The following TECTB variants were observed in gnomAD, a reference collection of about 807,000 sequenced individuals.
The protein encoded by TECTB is beta-tectorin.
A neutral mutation model predicts 43.3 loss-of-function variants in TECTB; 45 were observed. The ratio of observed to expected loss-of-function variants is 1.04; its 90% CI spans 0.82 to 1.33. The LOEUF (loss-of-function observed/expected upper bound fraction) is 1.33, where lower values mean the gene tolerates loss of function less well. Among genes scored for constraint, TECTB ranks in the 40% most tolerant of loss-of-function variants. The probability of loss-of-function intolerance (pLI) is 0.00; values close to 1 mark genes in which losing one functional copy is unlikely to be tolerated. For synonymous variants in TECTB, 169 were observed against 156.7 expected, an observed-to-expected ratio of 1.08 and a Z score of -0.59; for missense variants, 399 against 404.7, an observed-to-expected ratio of 0.99 and a Z score of 0.12.
chr10:112,288,404 G>C (rs1411070576), intron 5 of TECTB, among the ~76,000 whole-genome samples: 1 of 152,012 alleles, frequency 6.6e-6, no homozygotes, highest in Non-Finnish European at 1.5e-5. Context: ...GGGCTGGACA[G>C]ACAGATAACG....
intron 5 of TECTB, among the ~76,000 whole-genome samples, chr10:112,290,974 G>A (rs1160738660): frequency 4.6e-5 from 7 of 152,130 alleles, no homozygotes; most frequent in Non-Finnish European, 7.4e-5. Flanking sequence ...GAGGGGTAAA[G>A]TCCACTTTAT....
At position 112,303,255 on chromosome 10, in the gene TECTB, G is replaced by A; in HGVS notation, c.941-8G>A. On this transcript the variant is annotated splice_region_variant and splice_polypyrimidine_tract_variant and intron_variant, in intron 10 of 10. Coordinates refer to ENST00000646139, the MANE Select transcript of TECTB (RefSeq NM_058222.3). ...TGAGTGCCATCTCCCTCCCCTTCTGGTCCACAGATGTTCTCCACCACCTCA... is the reference window on the plus strand; with the variant it reads ...TGAGTGCCATCTCCCTCCCCTTCTGATCCACAGATGTTCTCCACCACCTCA... 1 of 1,614,020 alleles carries A rather than the reference G, an allele frequency of 6.2e-7. No homozygotes were observed. Among genetic ancestry groups the A allele is most frequent in the Non-Finnish European group, 8.5e-7 (1 of 1,179,968 alleles).
intron 7 of TECTB, among the ~76,000 whole-genome samples, chr10:112,295,537 G>A (rs995923240): frequency 3.9e-5 from 6 of 152,194 alleles, no homozygotes; most frequent in East Asian, 1.9e-4. Context: ...CAGGCTGGCC[G>A]AGGCACACCT....
At chr10:112,284,820 T>C in intron 3 of TECTB, 95 bp downstream of exon 3, 1 of 1,159,210 alleles carries the variant, frequency 8.6e-7, no homozygotes, top group Admixed American at 3.5e-5. Context: ...GGATTCAGAA[T>C]TTACCCATTT....
chr10:112,296,033 A>C (rs1848544214), intron 7 of TECTB, among the ~76,000 whole-genome samples: 1 of 152,194 alleles, frequency 6.6e-6, no homozygotes, highest in African/African-American at 2.4e-5. Flanking sequence ...ACCCATTTCT[A>C]CATTCTTCCT....
At chr10:112,292,019 G>A (rs982755780) in intron 5 of TECTB, among the ~76,000 whole-genome samples, 3 of 151,614 alleles carry the variant, frequency 2.0e-5, no homozygotes, top group Admixed American at 6.6e-5. Context: ...ACCTGTAGTC[G>A]CAGCTACTCG....
chr10:112,284,934 T>C (rs892322832), intron 3 of TECTB, among the ~76,000 whole-genome samples: 1 of 152,238 alleles, frequency 6.6e-6, no homozygotes, highest in African/African-American at 2.4e-5. Context: ...TTGACTCTTA[T>C]CCTCCTAATT....
rs754693026 is a variant in TECTB, at chr10:112,299,670, C to T, written c.907+106C>T. ...ATTTTTACTGAATTGCCAAACCAGT[C>T]GTGCCTGTGGGCACAACCTTCACCT... On this transcript the variant is annotated intron_variant, in intron 9 of 10. Transcript: ENST00000646139. 12 of 1,278,324 alleles carry T rather than the reference C, an allele frequency of 9.4e-6. No individual in the cohort carries two copies. The African/African-American group carries it at 1.2e-4, about 12-fold the overall frequency. The allele number at this position is 1,278,324 out of a possible 1,614,324, so 79.2% of individuals were successfully genotyped here.
At chr10:112,297,851 C>T (rs757424052) in intron 7 of TECTB, among the ~76,000 whole-genome samples, 1 of 152,172 alleles carries the variant, frequency 6.6e-6, no homozygotes, top group Non-Finnish European at 1.5e-5. Flanking sequence ...CCCCTCCCAT[C>T]GTACCTTGTC....
chr10:112,299,734 A>G (rs1848581590), intron 9 of TECTB, 170 bp downstream of exon 9: 2 of 632,182 alleles, frequency 3.2e-6, no homozygotes, highest in African/African-American at 1.8e-5. Context: ...GGAACAGCTC[A>G]AGCCAAACGA....
intron 5 of TECTB, among the ~76,000 whole-genome samples, chr10:112,290,599 C>T (rs983809309): frequency 1.3e-5 from 2 of 152,158 alleles, no homozygotes; most frequent in Non-Finnish European, 2.9e-5. Context: ...GAGTTGGGAG[C>T]GATACCTCTG....
chr10:112,295,400 ATCAT>A (rs1848536987), intron 7 of TECTB, among the ~76,000 whole-genome samples: 1 of 152,220 alleles, frequency 6.6e-6, no homozygotes, highest in Admixed American at 6.5e-5. Flanking sequence ...CAGTATAATA[ATCAT>A]TATTTTATAG....
At chr10:112,302,722 C>A in intron 10 of TECTB, 1 of 184,802 alleles carries the variant, frequency 5.4e-6, no homozygotes, top group Non-Finnish European at 1.1e-5. Context: ...CTGCCGTGAA[C>A]AAGACAGACA....
At chr10:112,292,771 C>A (rs1848509837) in intron 5 of TECTB, among the ~76,000 whole-genome samples, 1 of 152,034 alleles carries the variant, frequency 6.6e-6, no homozygotes, top group South Asian at 2.1e-4. Flanking sequence ...TCAGCCCCCA[C>A]AACTTATCTA....
intron 8 of TECTB, 117 bp downstream of exon 8, chr10:112,298,348 T>C (rs1848567483): frequency 7.6e-7 from 1 of 1,307,376 alleles, no homozygotes; most frequent in Non-Finnish European, 1.1e-6. Flanking sequence ...TGAGGACATC[T>C]GGAGGAAATG....
chr10:112,300,210 GAC>G (rs1205241966), intron 9 of TECTB, among the ~76,000 whole-genome samples: 11,172 of 110,648 alleles, frequency 0.1, 760 homozygotes, highest in East Asian at 0.2. Flanking sequence ...AAGAGAGACA[GAC>G]AGACAGACAG....
chr10:112,303,447 T>C lies in TECTB; in HGVS notation c.*135T>C. The stretch of plus-strand genomic sequence containing the variant: ...GCAGAGAATAGCACTTTGCCAAATA[T>C]GCACTCCAATAATTTCTGTGAATTT... On this transcript the variant is annotated 3_prime_UTR_variant, in exon 11 of 11. Coordinates refer to ENST00000646139, the MANE Select transcript of TECTB (RefSeq NM_058222.3). 5.7e-6 allele frequency: 6 copies of C among 1,051,984 alleles called. No individual in the cohort carries two copies. Among genetic ancestry groups the C allele is most frequent in the Admixed American group, 2.0e-5 (1 of 49,382 alleles). The allele number at this position is 1,051,984 out of a possible 1,614,324, so 65.2% of individuals were successfully genotyped here. A position where few individuals can be genotyped will look rare whatever the true frequency, so the allele number is the denominator to read the frequency against.
chr10:112,290,061 A>C (rs1389633386), intron 5 of TECTB, among the ~76,000 whole-genome samples: 2 of 152,122 alleles, frequency 1.3e-5, no homozygotes, highest in Non-Finnish European at 2.9e-5. Context: ...AAAAATATTA[A>C]ATGGAAAATT....
At position 112,294,047 on chromosome 10, in the gene TECTB, G is replaced by A. The variant is rs1311242159; in HGVS notation, c.657G>A (p.Gln219=). Residue 219 remains glutamine (Q), a synonymous_variant, in exon 7 of 11, where the codon CAG becomes CAA. Coordinates refer to ENST00000646139, the MANE Select transcript of TECTB (RefSeq NM_058222.3). ...SADFMYPLQW[Q]LINKGCPTDE... ...ACTTCATGTATCCCTTGCAGTGGCA[G>A]CTGATCAACAAGGGGTAGGTACACT... is the stretch of plus-strand genomic sequence containing the variant. The A allele has an allele frequency of 6.2e-7, 1 of 1,614,114 alleles. No homozygotes were observed. The highest frequency in any genetic ancestry group is 1.1e-5 in the South Asian group (1 of 91,090).
Sources: allele counts gnomAD v4.1 joint callset (sites outside exome capture counted in the v4.1 genomes callset), GRCh38; gene constraint gnomAD v4.1.1; transcripts MANE v1.5; gene names NCBI Gene and HGNC (gene_info 2026-07-23, HGNC 2026-07-21).